Variants in ANO10 observed in about 807,000 individuals in gnomAD.
The protein encoded by ANO10 is anoctamin 10.
Under a neutral mutation model 74.7 loss-of-function variants are expected in ANO10, and 77 were observed. That is an observed-to-expected ratio of 1.03 (90% CI 0.86 to 1.25). ANO10 has a LOEUF of 1.25. Ranked by LOEUF, ANO10 falls within the 50% of genes most tolerant of loss-of-function variation. ANO10 has a pLI of 0.00. For missense variants in ANO10, 721 were observed against 778.1 expected (o/e 0.93, Z 0.87); for synonymous variants, 279 against 284.9 (o/e 0.98, Z 0.21).
intron 12 of ANO10, among the ~76,000 whole-genome samples, chr3:43,406,222 C>T (rs893528148): frequency 9.9e-5 from 15 of 152,200 alleles, no homozygotes; most frequent in Admixed American, 2.6e-4. Context: ...TCCAGGATGA[C>T]GCCAGCCTCC....
intron 11 of ANO10, among the ~76,000 whole-genome samples, chr3:43,502,756 T>TA (rs1488649182): frequency 2.0e-5 from 3 of 152,180 alleles, no homozygotes; most frequent in Non-Finnish European, 4.4e-5. Context: ...TATTCAGCCT[T>TA]AAAAACTAAG....
At chr3:43,673,142 T>A (rs981230730) in intron 1 of ANO10, among the ~76,000 whole-genome samples, 2 of 152,230 alleles carry the variant, frequency 1.3e-5, no homozygotes, top group Non-Finnish European at 2.9e-5. Flanking sequence ...GTGAAAATTC[T>A]TCCCTCTATG....
chr3:43,497,702 A>G (rs1180680727), intron 11 of ANO10, among the ~76,000 whole-genome samples: 3 of 152,138 alleles, frequency 2.0e-5, no homozygotes, highest in African/African-American at 7.2e-5. Context: ...CCTCCTACAG[A>G]ACCTTCCTAT....
At chr3:43,667,451 T>C (rs923822827) in intron 1 of ANO10, among the ~76,000 whole-genome samples, 1 of 152,182 alleles carries the variant, frequency 6.6e-6, no homozygotes, top group Non-Finnish European at 1.5e-5. Context: ...TGATTTGTAT[T>C]TCAATAGCTT....
At chr3:43,639,208 C>A (rs926937601) in intron 1 of ANO10, 45 of 152,404 alleles carry the variant, frequency 3.0e-4, no homozygotes, top group African/African-American at 1.1e-3. Context: ...AAGCACATCA[C>A]TAGGTCCAGC....
intron 10 of ANO10, among the ~76,000 whole-genome samples, chr3:43,553,932 T>C (rs2079608146): frequency 6.6e-6 from 1 of 152,258 alleles, no homozygotes; most frequent in Non-Finnish European, 1.5e-5. Context: ...ATTTCAATTA[T>C]GGTATTTGTC....
chr3:43,534,013 A>G (rs1172288875), intron 11 of ANO10, among the ~76,000 whole-genome samples: 1 of 152,234 alleles, frequency 6.6e-6, no homozygotes, highest in Admixed American at 6.5e-5. Context: ...GGAAGCAAAC[A>G]TAAGAAACCA....
intron 11 of ANO10, among the ~76,000 whole-genome samples, chr3:43,480,790 T>C (rs555382352): frequency 4.3e-4 from 66 of 152,146 alleles, no homozygotes; most frequent in Non-Finnish European, 8.7e-4. Context: ...ACTGAGAGGC[T>C]GTCTGGTGTG....
At chr3:43,577,693 C>A (rs546973069) in intron 5 of ANO10, among the ~76,000 whole-genome samples, 1 of 152,278 alleles carries the variant, frequency 6.6e-6, no homozygotes, top group East Asian at 1.9e-4. Context: ...TTGACGAAGA[C>A]TCCCCATCCA....
chr3:43,574,688 T>C (rs1181768658), intron 7 of ANO10, 121 bp downstream of exon 7: 2 of 804,808 alleles, frequency 2.5e-6, no homozygotes, highest in Non-Finnish European at 4.2e-6. Context: ...AATCCTTGCC[T>C]ATTTGCACAA....
chr3:43,664,262 C>G (rs538324206), intron 1 of ANO10, among the ~76,000 whole-genome samples: 1 of 152,230 alleles, frequency 6.6e-6, no homozygotes, highest in African/African-American at 2.4e-5. Context: ...ACAAACCTGA[C>G]ACACACAAGC....
chr3:43,667,795 G>T (rs1385526780), intron 1 of ANO10, among the ~76,000 whole-genome samples: 1 of 152,050 alleles, frequency 6.6e-6, no homozygotes, highest in Admixed American at 6.6e-5. Context: ...TTCCTGACTG[G>T]TATCCCATGG....
intron 8 of ANO10, among the ~76,000 whole-genome samples, chr3:43,563,365 G>C (rs2080142354): frequency 6.7e-6 from 1 of 149,084 alleles, no homozygotes; most frequent in Admixed American, 6.7e-5. Flanking sequence ...ATACACTGTT[G>C]TTGGTAGAAA....
intron 1 of ANO10, among the ~76,000 whole-genome samples, chr3:43,654,161 A>G (rs1181344279): frequency 1.3e-5 from 2 of 152,114 alleles, no homozygotes; most frequent in Admixed American, 1.3e-4. Context: ...CCTGAGCTGG[A>G]TTGAGAGGGA....
At chr3:43,487,214 T>C (rs1427655433) in intron 11 of ANO10, among the ~76,000 whole-genome samples, 3 of 151,810 alleles carry the variant, frequency 2.0e-5, no homozygotes, top group Non-Finnish European at 4.4e-5. Flanking sequence ...GCCAGTATTT[T>C]ATTGAGGATT....
intron 1 of ANO10, among the ~76,000 whole-genome samples, chr3:43,684,725 T>G (rs1280777461): frequency 6.6e-6 from 1 of 152,182 alleles, no homozygotes; most frequent in Non-Finnish European, 1.5e-5. Flanking sequence ...ATGTGGCACA[T>G]ATACACCATG....
chr3:43,459,084 T>G (rs1177610042), intron 11 of ANO10, among the ~76,000 whole-genome samples: 1 of 152,180 alleles, frequency 6.6e-6, no homozygotes, highest in African/African-American at 2.4e-5. Context: ...CAGCACTGTT[T>G]AATGCCATTA....
intron 11 of ANO10, among the ~76,000 whole-genome samples, chr3:43,468,681 A>G (rs950135231): frequency 9.2e-5 from 14 of 151,764 alleles, no homozygotes; most frequent in South Asian, 2.1e-4. Context: ...TCTCTTCCCT[A>G]AACATCTCAG....
chr3:43,401,925 G>A (rs1233941906), intron 12 of ANO10, among the ~76,000 whole-genome samples: 1 of 152,158 alleles, frequency 6.6e-6, no homozygotes, highest in South Asian at 2.1e-4. Context: ...AAGGGAGTGG[G>A]TGTCACCCTC....
Sources: gnomAD v4.1 joint callset for allele counts (sites outside exome capture counted in the v4.1 genomes callset) on GRCh38, gnomAD v4.1.1 for gene constraint, MANE v1.5 for transcripts, NCBI Gene and HGNC (gene_info 2026-07-23, HGNC 2026-07-21) for gene names.